Variants in ZMAT4 observed in about 807,000 individuals in gnomAD.
ZMAT4 encodes the protein zinc finger matrin-type 4, also known as zinc finger matrin-type protein 4.
Under a neutral mutation model 28.7 loss-of-function variants are expected in ZMAT4, and 17 were observed. The observed-to-expected ratio is 0.59, with a 90% confidence interval of 0.41 to 0.89. The LOEUF (loss-of-function observed/expected upper bound fraction) is 0.89. Among genes scored for constraint, ZMAT4 ranks in the 40% least tolerant of loss-of-function variants. The pLI is 0.00. For synonymous variants in ZMAT4, 117 were observed against 109.2 expected, an observed-to-expected ratio of 1.07 and a Z score of -0.44; for missense variants, 240 against 283.8, an observed-to-expected ratio of 0.85 and a Z score of 1.11.
intron 3 of ZMAT4, among the ~76,000 whole-genome samples, chr8:40,707,636 T>C (rs1458531469): frequency 6.7e-6 from 1 of 148,512 alleles, no homozygotes; most frequent in Non-Finnish European, 1.5e-5. Context: ...TACATATAAG[T>C]ATATGTGTGT....
intron 5 of ZMAT4, among the ~76,000 whole-genome samples, chr8:40,651,398 C>T (rs561198078): frequency 4.9e-4 from 75 of 151,920 alleles, no homozygotes; most frequent in African/African-American, 1.7e-3. Flanking sequence ...TCAAGGAGAA[C>T]TACAAACCAC....
intron 4 of ZMAT4, among the ~76,000 whole-genome samples, chr8:40,679,373 C>G (rs1054506945): frequency 6.6e-6 from 1 of 152,092 alleles, no homozygotes; most frequent in African/African-American, 2.4e-5. Context: ...TCTCACCCTA[C>G]TAATAAAGAC....
At chr8:40,653,810 C>G (rs577224557) in intron 5 of ZMAT4, among the ~76,000 whole-genome samples, 1 of 152,246 alleles carries the variant, frequency 6.6e-6, no homozygotes, top group East Asian at 1.9e-4. Context: ...GACTGGATGG[C>G]TTCATTGGTG....
chr8:40,710,426 C>T (rs1158780821), intron 3 of ZMAT4, among the ~76,000 whole-genome samples: 1 of 152,124 alleles, frequency 6.6e-6, no homozygotes, highest in Non-Finnish European at 1.5e-5. Context: ...GTATCAAACC[C>T]TGTAATTGTG....
chr8:40,595,571 C>T (rs1004057279), intron 5 of ZMAT4, among the ~76,000 whole-genome samples: 27 of 152,078 alleles, frequency 1.8e-4, no homozygotes, highest in African/African-American at 6.3e-4. Flanking sequence ...TATACAGATG[C>T]TACTGTAGTG....
chr8:40,810,108 A>G (rs1815259443), intron 2 of ZMAT4, among the ~76,000 whole-genome samples: 1 of 152,116 alleles, frequency 6.6e-6, no homozygotes, highest in Non-Finnish European at 1.5e-5. Context: ...GCACACACAT[A>G]CATATATATG....
chr8:40,595,527 T>C (rs556372445), intron 5 of ZMAT4, among the ~76,000 whole-genome samples: 3 of 152,276 alleles, frequency 2.0e-5, no homozygotes, highest in Non-Finnish European at 2.9e-5. Context: ...ACTTAGGCTA[T>C]AAGGTATGGC....
At chr8:40,783,877 G>C (rs1813948626) in intron 2 of ZMAT4, among the ~76,000 whole-genome samples, 1 of 152,140 alleles carries the variant, frequency 6.6e-6, no homozygotes, top group Admixed American at 6.5e-5. Context: ...TGGGCGTGGT[G>C]GCAGGTGCCT....
chr8:40,871,838 G>A (rs925817091), intron 1 of ZMAT4, among the ~76,000 whole-genome samples: 9 of 152,244 alleles, frequency 5.9e-5, no homozygotes, highest in Middle Eastern at 3.4e-3. Flanking sequence ...ATAAAAATGC[G>A]CTCTCAGGAA....
chr8:40,704,556 G>T (rs1286883321), intron 3 of ZMAT4, among the ~76,000 whole-genome samples: 1 of 152,080 alleles, frequency 6.6e-6, no homozygotes, highest in Non-Finnish European at 1.5e-5. Context: ...TTAGCATTTT[G>T]TTTTTGTTTT....
chr8:40,764,670 G>A (rs2150559060), intron 3 of ZMAT4, among the ~76,000 whole-genome samples: 1 of 152,292 alleles, frequency 6.6e-6, no homozygotes, highest in African/African-American at 2.4e-5. Context: ...GAAGTGAGGT[G>A]AGTAGAATAA....
intron 5 of ZMAT4, among the ~76,000 whole-genome samples, chr8:40,673,819 C>A (rs558683974): frequency 1.3e-5 from 2 of 152,082 alleles, no homozygotes; most frequent in African/African-American, 4.8e-5. Flanking sequence ...TCTGTGAAAC[C>A]TCACAGGAAC....
chr8:40,839,909 G>T (rs946400095), intron 1 of ZMAT4, among the ~76,000 whole-genome samples: 1 of 152,194 alleles, frequency 6.6e-6, no homozygotes, highest in Non-Finnish European at 1.5e-5. Context: ...ACAAAACTGT[G>T]CATGTACCCC....
At chr8:40,697,476 G>T in intron 3 of ZMAT4, 75 bp from the exon 4 acceptor site, 1 of 1,310,008 alleles carries the variant, frequency 7.6e-7, no homozygotes, top group Non-Finnish European at 9.9e-7. Flanking sequence ...TTACCCAGAC[G>T]AACTAGTGTA....
At chr8:40,712,368 T>G (rs1810661398) in intron 3 of ZMAT4, among the ~76,000 whole-genome samples, 1 of 152,226 alleles carries the variant, frequency 6.6e-6, no homozygotes, top group Admixed American at 6.5e-5. Flanking sequence ...GAAACAAAGA[T>G]AAGACATGGA....
chr8:40,789,494 T>C (rs1350946257), intron 2 of ZMAT4, among the ~76,000 whole-genome samples: 2 of 152,076 alleles, frequency 1.3e-5, no homozygotes, highest in African/African-American at 4.8e-5. Context: ...AAAAATTAGA[T>C]AACACAACAG....
intron 6 of ZMAT4, among the ~76,000 whole-genome samples, chr8:40,562,621 G>A (rs540206670): frequency 3.9e-5 from 6 of 152,126 alleles, no homozygotes; most frequent in Admixed American, 3.9e-4. Flanking sequence ...ACACTGGTAA[G>A]GAACTCCCCC....
intron 5 of ZMAT4, among the ~76,000 whole-genome samples, chr8:40,628,618 T>G (rs1311255806): frequency 1.3e-5 from 2 of 148,682 alleles, no homozygotes; most frequent in African/African-American, 5.0e-5. Context: ...TGTGAAATTT[T>G]GTGTGGAAAG....
At chr8:40,862,133 C>A (rs1026727803) in intron 1 of ZMAT4, among the ~76,000 whole-genome samples, 1 of 91,408 alleles carries the variant, frequency 1.1e-5, no homozygotes, top group Non-Finnish European at 3.0e-5. Context: ...ATGTTTATTG[C>A]GGCACTATAC....
Sources: allele counts gnomAD v4.1 joint callset (sites outside exome capture counted in the v4.1 genomes callset), GRCh38; gene constraint gnomAD v4.1.1; transcripts MANE v1.5; gene names NCBI Gene and HGNC (gene_info 2026-07-23, HGNC 2026-07-21).